TP53BP1: variants seen among roughly 807,000 people sequenced by gnomAD.
TP53BP1 encodes tumor protein p53 binding protein 1.
Under a neutral mutation model 200.8 loss-of-function variants are expected in TP53BP1, and 61 were observed. The ratio of observed to expected loss-of-function variants is 0.30; its 90% CI spans 0.25 to 0.38. The LOEUF (loss-of-function observed/expected upper bound fraction) is 0.38. Ranked by LOEUF, TP53BP1 falls within the 10% of genes least tolerant of loss-of-function variation. The pLI is 1.00. For synonymous variants in TP53BP1, 822 were observed against 844.3 expected (o/e 0.97, Z 0.46); for missense variants, 2,144 against 2,371.9 (o/e 0.90, Z 2.00).
In TP53BP1 at chr15:43,456,635, T is replaced by G; in HGVS notation, c.1973A>C (p.His658Pro). Residue 658 changes from histidine to proline, a missense_variant, in exon 12 of 28, where the codon CAC (histidine) becomes CCC (proline). Physicochemically the swap from His to Pro is moderately conservative, Grantham distance 77. Transcript: ENST00000382044. The part of the protein sequence containing the change: ...DQEEAMEIKE[H>P]HPEEGSSGSE... ...CCCTGAAGACCCCTCCTCTGGATGGTGTTCTTTAATTTCCATAGCTTCCTC... is the reference window on the plus strand; with the variant it reads ...CCCTGAAGACCCCTCCTCTGGATGGGGTTCTTTAATTTCCATAGCTTCCTC... 6.2e-7 allele frequency: 1 copy of G among 1,614,142 alleles called. No homozygotes were observed. Among genetic ancestry groups the G allele is most frequent in the Non-Finnish European group, 8.5e-7 (1 of 1,180,018 alleles).
intron 8 of TP53BP1, among the ~76,000 whole-genome samples, chr15:43,476,153 T>G (rs1053922401): frequency 6.6e-6 from 1 of 152,120 alleles, no homozygotes; most frequent in Non-Finnish European, 1.5e-5. Flanking sequence ...TAATCCCAGC[T>G]ACTTGGAAGG....
chr15:43,485,323 A>G (rs1400615921), intron 4 of TP53BP1, among the ~76,000 whole-genome samples: 1 of 152,120 alleles, frequency 6.6e-6, no homozygotes, highest in Non-Finnish European at 1.5e-5. Context: ...CATGCCTGTA[A>G]TCCCAGCACT....
intron 4 of TP53BP1, among the ~76,000 whole-genome samples, chr15:43,488,465 T>C (rs1011466471): frequency 6.6e-6 from 1 of 152,190 alleles, no homozygotes; most frequent in Non-Finnish European, 1.5e-5. Flanking sequence ...ATAAACATCC[T>C]TGCAGTGTTA....
chr15:43,413,084 T>A, intron 24 of TP53BP1, 35 bp downstream of exon 24: 1 of 1,603,046 alleles, frequency 6.2e-7, no homozygotes, highest in African/African-American at 1.3e-5. Context: ...GAAGTGCCTA[T>A]GTGTCAGAGC....
chr15:43,404,876 C>T lies in TP53BP1; in HGVS notation c.*2507G>A. On this transcript the variant is annotated 3_prime_UTR_variant, in exon 28 of 28. Coordinates refer to ENST00000382044, the MANE Select transcript of TP53BP1 (RefSeq NM_001141980.3). ...AGCTGTGCAGCCGTGGGCACCCCGC[C>T]TTGCTGGTCCCTAGCTTCCGCATCT... 2 of 486,962 alleles carry T rather than the reference C, an allele frequency of 4.1e-6. No individual in the cohort carries two copies. Among genetic ancestry groups the T allele is most frequent in the Non-Finnish European group, 7.3e-6 (2 of 275,696 alleles). The allele number at this position is 486,962 out of a possible 1,614,324, so 30.2% of individuals were successfully genotyped here.
chr15:43,474,698 A>C lies in TP53BP1; in HGVS notation c.1155T>G (p.Ser385Arg). The change falls in exon 10 of 28, where the codon AGT becomes AGG. Residue 385 changes from serine (S) to arginine (R), a missense_variant. Transcript: ENST00000382044. The part of the protein sequence containing the change: ...FRSTPFIVPS[S>R]PTEQEGRQDK... The stretch of plus-strand genomic sequence containing the variant: ...CTTGTCTCCCTTCTTGCTCTGTGGG[A>C]CTGCTAGGAACGATAAAAGGAGTAG... The C allele has an allele frequency of 6.2e-7, 1 of 1,613,088 alleles. No homozygotes were observed. Among genetic ancestry groups the C allele is most frequent in the Non-Finnish European group, 8.5e-7 (1 of 1,179,032 alleles).
At chr15:43,447,209 G>C in intron 13 of TP53BP1, 157 bp downstream of exon 13, 1 of 696,894 alleles carries the variant, frequency 1.4e-6, no homozygotes, top group Non-Finnish European at 2.3e-6. Context: ...TCTCCTAGTA[G>C]TAAAATCACA....
chr15:43,421,694 C>G, intron 19 of TP53BP1, 161 bp downstream of exon 19: 2 of 1,094,010 alleles, frequency 1.8e-6, no homozygotes, highest in Non-Finnish European at 2.6e-6. Flanking sequence ...ACTTCCCACA[C>G]AAACCCAAAA....
At chr15:43,410,411 A>AG (rs2045080033) in intron 24 of TP53BP1, among the ~76,000 whole-genome samples, 1 of 152,172 alleles carries the variant, frequency 6.6e-6, no homozygotes, top group Non-Finnish European at 1.5e-5. Context: ...ACTGCTCTAT[A>AG]GTCTTGAGAG....
chr15:43,446,834 C>T, intron 13 of TP53BP1: 1 of 1,452,466 alleles, frequency 6.9e-7, no homozygotes, highest in Non-Finnish European at 9.2e-7. Context: ...TGCATGAGCC[C>T]TCAGCCAACC....
Position 43,405,036 on chromosome 15 carries a change from G to A in TP53BP1, c.*2347C>T. The A allele has an allele frequency of 2.8e-6, 2 of 712,346 alleles. No homozygotes were observed. Among genetic ancestry groups the A allele is most frequent in the Non-Finnish European group, 4.6e-6 (2 of 431,706 alleles). 44.1% of individuals were successfully genotyped at this position (712,346 alleles called of 1,614,324 possible). Reference sequence around the variant, plus strand: ...CTTCATTGTCCTTTCTCTCTAAAATGTCTGCAAGCAGATTTTTTTCTAAGC... The same window carrying A: ...CTTCATTGTCCTTTCTCTCTAAAATATCTGCAAGCAGATTTTTTTCTAAGC... On this transcript the variant is annotated 3_prime_UTR_variant, in exon 28 of 28. Coordinates refer to ENST00000382044, the MANE Select transcript of TP53BP1 (RefSeq NM_001141980.3).
chr15:43,408,161 C>T (rs2044981773), intron 26 of TP53BP1, 73 bp from the exon 27 acceptor site: 1 of 1,447,988 alleles, frequency 6.9e-7, no homozygotes, highest in Non-Finnish European at 9.5e-7. Context: ...CAAAGGGACT[C>T]ATGTACATCT....
In TP53BP1 at chr15:43,403,586, A is replaced by T; in HGVS notation, c.*3797T>A. On this transcript the variant is annotated 3_prime_UTR_variant, in exon 28 of 28. Transcript: ENST00000382044. ...TGTCAGATTTGGGAGGTCAGCTATT[A>T]ATTAGATCAGCTATTAATCAGACTG... 1 of 904,610 alleles carries T rather than the reference A, an allele frequency of 1.1e-6. No homozygotes were observed. Among genetic ancestry groups the T allele is most frequent in the Non-Finnish European group, 1.8e-6 (1 of 569,866 alleles). The allele number at this position is 904,610 out of a possible 1,614,324, so 56.0% of individuals were successfully genotyped here. A position where few individuals can be genotyped will look rare whatever the true frequency, so the allele number is the denominator to read the frequency against.
At position 43,403,756 on chromosome 15, in the gene TP53BP1, C is replaced by A. The variant is rs780665255; in HGVS notation, c.*3627G>T. The A allele has an allele frequency of 6.2e-7, 1 of 1,613,872 alleles. No individual in the cohort carries two copies. The highest frequency in any genetic ancestry group is 2.2e-5 in the East Asian group (1 of 44,870). On this transcript the variant is annotated 3_prime_UTR_variant, in exon 28 of 28. Coordinates refer to ENST00000382044, the MANE Select transcript of TP53BP1 (RefSeq NM_001141980.3). ...TCGCTGGTCAGTCAGAACCTAGGCC[C>A]ACTGGATGAGCGTGGAGCCGCCCAG...
At chr15:43,413,901 G>A (rs572041595) in intron 23 of TP53BP1, 2 of 329,816 alleles carry the variant, frequency 6.1e-6, no homozygotes, top group East Asian at 8.8e-5. Context: ...TGGTAATAAA[G>A]TGTTTTTACA....
At chr15:43,481,826 AAAAG>A (rs1359436745) in intron 4 of TP53BP1, among the ~76,000 whole-genome samples, 1 of 151,012 alleles carries the variant, frequency 6.6e-6, no homozygotes, top group Non-Finnish European at 1.5e-5. Flanking sequence ...AAAAAAAAAA[AAAAG>A]AGAGAGACAG....
At chr15:43,488,368 G>A (rs2079074961) in intron 4 of TP53BP1, among the ~76,000 whole-genome samples, 1 of 151,926 alleles carries the variant, frequency 6.6e-6, no homozygotes, top group Non-Finnish European at 1.5e-5. Flanking sequence ...ATTTTGAAAT[G>A]ACATTTTACA....
At chr15:43,420,903 A>T in intron 20 of TP53BP1, 122 bp downstream of exon 20, 1 of 1,364,424 alleles carries the variant, frequency 7.3e-7, no homozygotes, top group Non-Finnish European at 1.0e-6. Flanking sequence ...ATCCCTGCCC[A>T]CTCCCCAGTC....
chr15:43,470,487 A>G (rs1186587631), intron 10 of TP53BP1, among the ~76,000 whole-genome samples: 1 of 152,226 alleles, frequency 6.6e-6, no homozygotes, highest in East Asian at 1.9e-4. Flanking sequence ...AGGTAAATAC[A>G]GTATCTATAA....
Sources: gnomAD v4.1 joint callset for allele counts (sites outside exome capture counted in the v4.1 genomes callset) on GRCh38, gnomAD v4.1.1 for gene constraint, MANE v1.5 for transcripts, NCBI Gene and HGNC (gene_info 2026-07-23, HGNC 2026-07-21) for gene names.